Variants in SMYD3 observed in about 807,000 individuals in gnomAD.
SMYD3 encodes histone-lysine N-methyltransferase SMYD3.
SMYD3 carries 36 observed loss-of-function variants against 57.7 expected under a neutral mutation model. The observed-to-expected ratio is 0.62, with a 90% confidence interval of 0.48 to 0.82. SMYD3 has a LOEUF of 0.82. Among genes scored for constraint, SMYD3 ranks in the 40% least tolerant of loss-of-function variants. The pLI is 0.00. For missense variants in SMYD3, 515 were observed against 538.8 expected (o/e 0.96, Z 0.44); for synonymous variants, 211 against 195.0 (o/e 1.08, Z -0.68).
At chr1:245,782,749 T>C (rs1412219972) in intron 10 of SMYD3, among the ~76,000 whole-genome samples, 2 of 152,176 alleles carry the variant, frequency 1.3e-5, no homozygotes, top group African/African-American at 2.4e-5. Context: ...AAGATTTAAA[T>C]ATAAAAAAAT....
chr1:245,998,034 C>T (rs1195717784), intron 5 of SMYD3, among the ~76,000 whole-genome samples: 2 of 152,214 alleles, frequency 1.3e-5, no homozygotes, highest in Non-Finnish European at 2.9e-5. Flanking sequence ...CAAAGCATGG[C>T]ATTCCTCCAG....
rs534646532 is a variant in SMYD3, at chr1:246,080,978, G to A, written c.532-151041C>T. 4.1e-4 allele frequency among the ~76,000 whole-genome samples: 62 copies of A among 152,318 alleles called. 1 individual carries two copies. Among genetic ancestry groups the A allele is most frequent in the Non-Finnish European group, 1.6e-4 (11 of 68,028 alleles). On this transcript the variant is annotated intron_variant, in intron 5 of 11. Transcript: ENST00000490107. ...ATTTTCATAAGGATAATTAGTGTGT[G>A]TAATCAAAAGCAAAGCCCTTCTGAA...
intron 5 of SMYD3, among the ~76,000 whole-genome samples, chr1:246,213,544 C>A (rs1040245668): frequency 6.6e-6 from 1 of 152,146 alleles, no homozygotes; most frequent in African/African-American, 2.4e-5. Context: ...CATTCTCAGG[C>A]CCTGCACACC....
At chr1:246,086,421 C>A (rs2060722158) in intron 5 of SMYD3, among the ~76,000 whole-genome samples, 1 of 152,084 alleles carries the variant, frequency 6.6e-6, no homozygotes, top group South Asian at 2.1e-4. Context: ...TTACAACACA[C>A]TGCCTGGGAC....
At chr1:245,841,436 T>C (rs1333652058) in intron 10 of SMYD3, among the ~76,000 whole-genome samples, 1 of 152,200 alleles carries the variant, frequency 6.6e-6, no homozygotes, top group Non-Finnish European at 1.5e-5. Context: ...TTCCCTCATT[T>C]CCTCCATGAC....
chr1:246,343,947 C>T (rs1428057080), intron 2 of SMYD3, among the ~76,000 whole-genome samples: 3 of 152,118 alleles, frequency 2.0e-5, no homozygotes, highest in African/African-American at 7.2e-5. Flanking sequence ...ATATAATTTA[C>T]ATTATTAAAT....
At chr1:246,050,669 C>T (rs1379612844) in intron 5 of SMYD3, among the ~76,000 whole-genome samples, 3 of 152,090 alleles carry the variant, frequency 2.0e-5, no homozygotes, top group South Asian at 2.1e-4. Context: ...AAATGGTGAA[C>T]GCTGAGACTG....
chr1:246,000,155 G>A (rs770633908), intron 5 of SMYD3, among the ~76,000 whole-genome samples: 7 of 152,246 alleles, frequency 4.6e-5, no homozygotes, highest in African/African-American at 7.2e-5. Flanking sequence ...TAAATCATGC[G>A]GCTTGGGTTT....
intron 10 of SMYD3, among the ~76,000 whole-genome samples, chr1:245,850,526 T>C (rs111510497): frequency 2.0e-5 from 3 of 151,958 alleles, no homozygotes; most frequent in African/African-American, 7.2e-5. Context: ...ACCCTGCCTC[T>C]ACAAAAAAAA....
chr1:246,240,684 T>G (rs1028518681), intron 5 of SMYD3, among the ~76,000 whole-genome samples: 1 of 152,260 alleles, frequency 6.6e-6, no homozygotes, highest in Non-Finnish European at 1.5e-5. Flanking sequence ...CCTTGGGCTG[T>G]ATGGCCATTT....
intron 10 of SMYD3, among the ~76,000 whole-genome samples, chr1:245,797,135 G>A (rs2047557909): frequency 6.6e-6 from 1 of 152,064 alleles, no homozygotes; most frequent in Non-Finnish European, 1.5e-5. Flanking sequence ...GAATATGAGG[G>A]GATTTGGTGA....
Position 246,197,483 on chromosome 1 carries a change from GA to G in SMYD3, c.531+129717del, listed in dbSNP as rs201010584. Among the ~76,000 whole-genome samples the G allele has an allele frequency of 6.8e-3, 1,033 of 151,838 alleles. 16 individuals carry two copies. The highest frequency in any genetic ancestry group is 0.023 in the African/African-American group (943 of 41,398). ...AAATCCGTAACTCCACTCTAATCAT[GA>G]AAAAAAATTCAGACAGGTATTACCT... On this transcript the variant is annotated intron_variant, in intron 5 of 11. Coordinates refer to ENST00000490107, the MANE Select transcript of SMYD3 (RefSeq NM_001167740.2).
intron 1 of SMYD3, among the ~76,000 whole-genome samples, chr1:246,363,890 TC>T (rs1363818280): frequency 6.6e-6 from 1 of 151,302 alleles, no homozygotes; most frequent in African/African-American, 2.4e-5. Context: ...CAAATCCCCC[TC>T]TGTGAGAAAC....
chr1:246,377,754 C>T (rs1286287418), intron 1 of SMYD3, among the ~76,000 whole-genome samples: 1 of 152,228 alleles, frequency 6.6e-6, no homozygotes, highest in African/African-American at 2.4e-5. Flanking sequence ...CCGGACTCCA[C>T]TCTCATTCCA....
intron 10 of SMYD3, among the ~76,000 whole-genome samples, chr1:245,786,538 T>C (rs1040572564): frequency 6.6e-6 from 1 of 151,656 alleles, no homozygotes; most frequent in East Asian, 1.9e-4. Flanking sequence ...ATTGCCTCAC[T>C]GAACCTCACC....
intron 1 of SMYD3, among the ~76,000 whole-genome samples, chr1:246,406,543 C>T (rs1014684692): frequency 2.6e-5 from 4 of 152,214 alleles, no homozygotes; most frequent in Non-Finnish European, 5.9e-5. Flanking sequence ...CTTGCCTTTT[C>T]GCTCTTCTTG....
intron 1 of SMYD3, among the ~76,000 whole-genome samples, chr1:246,368,392 A>G (rs2066141862): frequency 6.6e-6 from 1 of 152,176 alleles, no homozygotes; most frequent in Admixed American, 6.5e-5. Flanking sequence ...CCTGGAATGG[A>G]TATAGAAAAC....
chr1:246,084,823 G>A (rs1209035257), intron 5 of SMYD3, among the ~76,000 whole-genome samples: 1 of 152,160 alleles, frequency 6.6e-6, no homozygotes, highest in African/African-American at 2.4e-5. Flanking sequence ...TTCTTCAGCA[G>A]GCTGATTACT....
intron 5 of SMYD3, among the ~76,000 whole-genome samples, chr1:245,962,906 G>T (rs2058046686): frequency 6.6e-6 from 1 of 152,208 alleles, no homozygotes; most frequent in Non-Finnish European, 1.5e-5. Flanking sequence ...GTCAAGGGGA[G>T]TTTATCAGGT....
Sources: gnomAD v4.1 joint callset for allele counts (sites outside exome capture counted in the v4.1 genomes callset) on GRCh38, gnomAD v4.1.1 for gene constraint, MANE v1.5 for transcripts, NCBI Gene and HGNC (gene_info 2026-07-23, HGNC 2026-07-21) for gene names.